Variants in SLC26A5 observed in about 807,000 individuals in gnomAD.
SLC26A5 encodes prestin.
In SLC26A5, 51 loss-of-function variants were observed where a neutral mutation model predicts 81.0. The observed-to-expected ratio is 0.63, with a 90% CI of 0.50 to 0.80. The LOEUF (loss-of-function observed/expected upper bound fraction) is 0.80, where lower values mean the gene tolerates loss of function less well. Ranked by LOEUF, SLC26A5 falls within the 30% of genes least tolerant of loss-of-function variation. The pLI is 0.00. For missense variants in SLC26A5, 771 were observed against 905.8 expected (o/e 0.85, Z 1.91); for synonymous variants, 325 against 332.8 (o/e 0.98, Z 0.25).
intron 2 of SLC26A5, among the ~76,000 whole-genome samples, chr7:103,438,146 C>A (rs1177877275): frequency 6.6e-6 from 1 of 152,036 alleles, no homozygotes; most frequent in Non-Finnish European, 1.5e-5. Context: ...CCCTCTCTAT[C>A]TGCAGAACCT....
chr7:103,375,128 G>A (rs1387072259), intron 19 of SLC26A5, among the ~76,000 whole-genome samples: 1 of 147,248 alleles, frequency 6.8e-6, no homozygotes, highest in African/African-American at 2.5e-5. Flanking sequence ...CTGTTTTGGG[G>A]ATAAGAAAAG....
At chr7:103,404,898 T>C (rs372286214) in intron 8 of SLC26A5, among the ~76,000 whole-genome samples, 25 of 152,180 alleles carry the variant, frequency 1.6e-4, no homozygotes, top group East Asian at 3.9e-4. Context: ...TCTTTTTTTT[T>C]CCTCTAATCT....
intron 19 of SLC26A5, chr7:103,353,934 G>A: frequency 6.2e-7 from 1 of 1,603,048 alleles, no homozygotes; most frequent in African/African-American, 1.3e-5. Flanking sequence ...TGGATGAGGG[G>A]GATATTGCCT....
chr7:103,380,661 T>C (rs879605382), intron 14 of SLC26A5, 112 bp from the exon 15 acceptor site: 11 of 924,006 alleles, frequency 1.2e-5, no homozygotes, highest in Non-Finnish European at 1.8e-5. Flanking sequence ...TTGGGAATGC[T>C]TGATCCTTAC....
chr7:103,401,041 C>A (rs775627289), intron 8 of SLC26A5, among the ~76,000 whole-genome samples: 2 of 152,156 alleles, frequency 1.3e-5, no homozygotes, highest in African/African-American at 4.8e-5. Flanking sequence ...CTTGGCTATG[C>A]GGGCCCTTTT....
chr7:103,418,079 C>T (rs1825065666), intron 4 of SLC26A5, among the ~76,000 whole-genome samples: 1 of 152,154 alleles, frequency 6.6e-6, no homozygotes, highest in Admixed American at 6.5e-5. Flanking sequence ...ACCTCCATCC[C>T]TCAGGTGGTT....
At chr7:103,441,727 G>A (rs923737153) in intron 2 of SLC26A5, among the ~76,000 whole-genome samples, 5 of 152,186 alleles carry the variant, frequency 3.3e-5, no homozygotes, top group South Asian at 2.1e-4. Flanking sequence ...GGACCTTTAG[G>A]AACAGCTGAT....
intron 2 of SLC26A5, among the ~76,000 whole-genome samples, chr7:103,438,651 C>A (rs1038089134): frequency 3.9e-5 from 6 of 152,158 alleles, no homozygotes; most frequent in African/African-American, 1.4e-4. Flanking sequence ...CCGTGCCCAG[C>A]TATATTGAGA....
intron 11 of SLC26A5, 31 bp from the exon 12 acceptor site, chr7:103,390,537 T>A: frequency 6.4e-7 from 1 of 1,572,034 alleles, no homozygotes; most frequent in Non-Finnish European, 8.8e-7. Context: ...GGAAGGGGCT[T>A]TTAGGAGACT....
At position 103,431,035 on chromosome 7, in the gene SLC26A5, A is replaced by T. The variant is rs77866507; in HGVS notation, c.-53-9468T>A. Among the ~76,000 whole-genome samples, 528 of 152,334 alleles carry T rather than the reference A, an allele frequency of 3.5e-3. 3 individuals are homozygous for T. The highest frequency in any genetic ancestry group is 0.012 in the African/African-American group (500 of 41,588). The stretch of plus-strand genomic sequence containing the variant: ...TTTTCCAGCCAGAAACACTTGAAAG[A>T]TCTTTAACGCTCATAAGATATGCCT... On this transcript the variant is annotated intron_variant, in intron 2 of 19. Transcript: ENST00000306312.
Position 103,379,278 on chromosome 7 carries a change from T to C in SLC26A5, c.1642A>G (p.Asn548Asp). The change falls in exon 16 of 20, where the codon AAT (asparagine) becomes GAT (aspartate). Residue 548 changes from asparagine (N) to aspartate (D), a missense_variant. Asn to Asp is a conservative substitution (Grantham distance 23). Coordinates refer to ENST00000306312, the MANE Select transcript of SLC26A5 (RefSeq NM_198999.3). ...FQINAPIYYA[N>D]SDLYSNALKR... ...AATGCATTGCTATACAAGTCGCTAT[T>C]TGCATAGTAAATTGGTGCATTTATT... 6.2e-7 allele frequency: 1 copy of C among 1,611,928 alleles called. No individual in the cohort carries two copies. The highest frequency in any genetic ancestry group is 8.5e-7 in the Non-Finnish European group (1 of 1,178,184).
In SLC26A5 at chr7:103,367,378, A is replaced by G; in HGVS notation, c.2041+9430T>C. The stretch of plus-strand genomic sequence containing the variant: ...CATGCATAGTGCTACTCTTGAGTGG[A>G]CTTGAAGAGCTTATCTTTCCTTTTG... On this transcript the variant is annotated intron_variant, in intron 19 of 19. Coordinates refer to the SLC26A5 transcript ENST00000339444. This position sits in a 1 kb window ranked among gnomAD's most constrained non-coding sequence, Gnocchi z 6.1. The G allele has an allele frequency of 6.2e-7, 1 of 1,605,124 alleles. No individual in the cohort carries two copies. The highest frequency in any genetic ancestry group is 8.5e-7 in the Non-Finnish European group (1 of 1,173,592).
At chr7:103,432,741 T>A (rs1223079977) in intron 2 of SLC26A5, among the ~76,000 whole-genome samples, 1 of 152,104 alleles carries the variant, frequency 6.6e-6, no homozygotes, top group Non-Finnish European at 1.5e-5. Context: ...TGTAGGTTTT[T>A]AAAATTCTGA....
At chr7:103,407,735 CTTCT>C (rs1824167271) in intron 8 of SLC26A5, 112 bp downstream of exon 8, 1 of 1,195,826 alleles carries the variant, frequency 8.4e-7, no homozygotes, top group Non-Finnish European at 1.2e-6. Flanking sequence ...AAATTGTAAC[CTTCT>C]TTTGGCAGAA....
At chr7:103,409,875 T>A (rs1002690171) in intron 7 of SLC26A5, among the ~76,000 whole-genome samples, 1 of 152,136 alleles carries the variant, frequency 6.6e-6, no homozygotes, top group Non-Finnish European at 1.5e-5. Flanking sequence ...ACCTGGCTAA[T>A]TTTTTTCTAT....
intron 2 of SLC26A5, among the ~76,000 whole-genome samples, chr7:103,433,305 T>C (rs186656586): frequency 1.3e-5 from 2 of 152,360 alleles, no homozygotes; most frequent in African/African-American, 4.8e-5. Flanking sequence ...AACATTTTTC[T>C]CTGCATTCTT....
At chr7:103,424,185 C>T (rs542976408) in intron 2 of SLC26A5, among the ~76,000 whole-genome samples, 2 of 152,302 alleles carry the variant, frequency 1.3e-5, no homozygotes, top group South Asian at 2.1e-4. Flanking sequence ...CTTCCATTTT[C>T]CCCACAGCCT....
rs866577100 is a variant in SLC26A5, at chr7:103,412,555, T to G, written c.403+447A>C. Among the ~76,000 whole-genome samples the G allele has an allele frequency of 8.9e-3, 1,309 of 147,244 alleles. 17 individuals carry two copies. The highest frequency in any genetic ancestry group is 0.031 in the African/African-American group (1,238 of 39,842). ...GGGAGGAGTGTAGTTTTTTTTTTGT[T>G]TTTTTTTTTTTTGAGACAGAGTCTC... On this transcript the variant is annotated intron_variant, in intron 5 of 19. Transcript: ENST00000306312.
chr7:103,440,400 C>T (rs1826794083), intron 2 of SLC26A5, among the ~76,000 whole-genome samples: 1 of 152,152 alleles, frequency 6.6e-6, no homozygotes, highest in Non-Finnish European at 1.5e-5. Flanking sequence ...ACTAGCACAA[C>T]ACTATTCTTA....
Sources: allele counts gnomAD v4.1 joint callset (sites outside exome capture counted in the v4.1 genomes callset), GRCh38; gene constraint gnomAD v4.1.1; non-coding constraint Gnocchi (gnomAD v3.1); transcripts MANE v1.5; gene names NCBI Gene and HGNC (gene_info 2026-07-23, HGNC 2026-07-21).